The following MGAT4C variants were observed in gnomAD, a reference collection of about 807,000 sequenced individuals.
MGAT4C encodes the protein MGAT4 family member C, also known as alpha-1,3-mannosyl-glycoprotein 4-beta-N-acetylglucosaminyltransferase C.
In MGAT4C, 19 loss-of-function variants were observed where a neutral mutation model predicts 40.1. That is an observed-to-expected ratio of 0.47 (90% CI 0.33 to 0.70). The LOEUF (loss-of-function observed/expected upper bound fraction) is 0.70. MGAT4C is among the 30% of genes least tolerant of loss of function. The pLI, the probability that MGAT4C is intolerant of heterozygous loss-of-function variation, is 0.02. For missense variants in MGAT4C, 491 were observed against 563.2 expected, an observed-to-expected ratio of 0.87 and a Z score of 1.30; for synonymous variants, 181 against 187.1, an observed-to-expected ratio of 0.97 and a Z score of 0.27.
At chr12:86,691,440 T>C (rs1402718910) in intron 2 of MGAT4C, among the ~76,000 whole-genome samples, 1 of 152,160 alleles carries the variant, frequency 6.6e-6, no homozygotes, top group Non-Finnish European at 1.5e-5. Context: ...ACAAAAATTG[T>C]TGACGAGATA....
chr12:86,718,754 G>A (rs1044366806), intron 2 of MGAT4C, among the ~76,000 whole-genome samples: 1 of 152,098 alleles, frequency 6.6e-6, no homozygotes, highest in African/African-American at 2.4e-5. Context: ...ACCCTATTGT[G>A]AACTGTGCAG....
intron 2 of MGAT4C, among the ~76,000 whole-genome samples, chr12:86,441,007 G>C (rs1957217510): frequency 6.6e-6 from 1 of 152,022 alleles, no homozygotes. Context: ...TCATGGACTG[G>C]AATAATTAAT....
chr12:86,747,632 T>C (rs1951171077), intron 1 of MGAT4C, among the ~76,000 whole-genome samples: 1 of 151,688 alleles, frequency 6.6e-6, no homozygotes, highest in African/African-American at 2.4e-5. Flanking sequence ...AATTTCACTA[T>C]AGTTTTCTCT....
intron 1 of MGAT4C, among the ~76,000 whole-genome samples, chr12:86,220,400 T>C (rs912696329): frequency 3.3e-5 from 5 of 152,222 alleles, no homozygotes; most frequent in African/African-American, 1.2e-4. Flanking sequence ...TATGGCATGT[T>C]ACTAACAGCA....
At chr12:86,663,810 C>T (rs958458385) in intron 2 of MGAT4C, among the ~76,000 whole-genome samples, 5 of 152,096 alleles carry the variant, frequency 3.3e-5, no homozygotes, top group African/African-American at 9.7e-5. Context: ...TTGAGTGAAG[C>T]TGTGTGGTGA....
chr12:86,780,725 T>C (rs939515116), intron 1 of MGAT4C, among the ~76,000 whole-genome samples: 2 of 152,166 alleles, frequency 1.3e-5, no homozygotes, highest in African/African-American at 4.8e-5. Context: ...GAGAAAGAAC[T>C]AATACATGGG....
intron 3 of MGAT4C, among the ~76,000 whole-genome samples, chr12:86,348,655 T>C (rs1422814512): frequency 2.0e-5 from 3 of 152,162 alleles, no homozygotes; most frequent in Non-Finnish European, 2.9e-5. Flanking sequence ...TTTGAGCATT[T>C]TACTCATGTA....
chr12:86,544,803 A>G (rs1959184696), intron 2 of MGAT4C, among the ~76,000 whole-genome samples: 1 of 152,116 alleles, frequency 6.6e-6, no homozygotes, highest in South Asian at 2.1e-4. Flanking sequence ...TTAGAAATAT[A>G]GTACCTTAGT....
chr12:86,734,839 T>C (rs1374533995), intron 1 of MGAT4C, among the ~76,000 whole-genome samples: 2 of 152,054 alleles, frequency 1.3e-5, no homozygotes, highest in African/African-American at 4.8e-5. Flanking sequence ...AGCAGGTCAG[T>C]TCTTACATAT....
intron 2 of MGAT4C, among the ~76,000 whole-genome samples, chr12:86,623,825 T>C (rs1274400503): frequency 6.6e-6 from 1 of 152,174 alleles, no homozygotes; most frequent in African/African-American, 2.4e-5. Flanking sequence ...TTGAGCTTTG[T>C]GGTGTTTTAA....
intron 1 of MGAT4C, among the ~76,000 whole-genome samples, chr12:86,782,171 ATTTTTTTTT>A (rs57791582): frequency 2.5e-4 from 10 of 40,294 alleles, no homozygotes; most frequent in African/African-American, 6.1e-4. Context: ...TGTTTTTTGT[ATTTTTTTTT>A]TTTTTTTTTT....
At chr12:86,563,577 G>A (rs1335140612) in intron 2 of MGAT4C, among the ~76,000 whole-genome samples, 2 of 152,128 alleles carry the variant, frequency 1.3e-5, no homozygotes, top group African/African-American at 4.8e-5. Flanking sequence ...GTCCCCTTGA[G>A]GAAGGACCCA....
intron 1 of MGAT4C, among the ~76,000 whole-genome samples, chr12:86,802,817 A>G (rs2136205417): frequency 1.4e-5 from 2 of 144,784 alleles, no homozygotes; most frequent in Middle Eastern, 6.9e-3. Context: ...AAGAATCAAT[A>G]TCGTGAAAAT....
At chr12:86,011,531 G>T (rs1291697651) in intron 2 of MGAT4C, among the ~76,000 whole-genome samples, 2 of 152,116 alleles carry the variant, frequency 1.3e-5, no homozygotes, top group Admixed American at 6.5e-5. Flanking sequence ...TATTACAACA[G>T]AGGAGAGAAC....
At chr12:86,003,260 G>C (rs999756390) in intron 2 of MGAT4C, among the ~76,000 whole-genome samples, 1 of 152,016 alleles carries the variant, frequency 6.6e-6, no homozygotes, top group Non-Finnish European at 1.5e-5. Context: ...TGTTTGTTTC[G>C]TAAAAACAGC....
At chr12:86,142,716 T>G (rs1019254067) in intron 1 of MGAT4C, among the ~76,000 whole-genome samples, 1 of 151,872 alleles carries the variant, frequency 6.6e-6, no homozygotes, top group East Asian at 1.9e-4. Flanking sequence ...ATTCTTTTTT[T>G]TTTTTGTTTT....
intron 1 of MGAT4C, among the ~76,000 whole-genome samples, chr12:86,767,796 G>C (rs1230082380): frequency 6.6e-6 from 1 of 152,210 alleles, no homozygotes; most frequent in African/African-American, 2.4e-5. Context: ...TGCAGAAAAG[G>C]CCTTTGACAA....
chr12:86,415,193 G>A (rs1465846711), intron 3 of MGAT4C, among the ~76,000 whole-genome samples: 1 of 151,950 alleles, frequency 6.6e-6, no homozygotes, highest in Non-Finnish European at 1.5e-5. Flanking sequence ...AATTACCTCT[G>A]TACATCAGCA....
At chr12:86,613,366 T>C (rs1962347283) in intron 2 of MGAT4C, among the ~76,000 whole-genome samples, 1 of 152,218 alleles carries the variant, frequency 6.6e-6, no homozygotes, top group African/African-American at 2.4e-5. Flanking sequence ...TTATTTTATG[T>C]ATTTAATCTG....
Sources: gnomAD v4.1 joint callset for allele counts (sites outside exome capture counted in the v4.1 genomes callset) on GRCh38, gnomAD v4.1.1 for gene constraint, MANE v1.5 for transcripts, NCBI Gene and HGNC (gene_info 2026-07-23, HGNC 2026-07-21) for gene names.